Variants in CNOT6L observed in about 807,000 individuals in gnomAD.
CNOT6L encodes the protein CCR4-NOT transcription complex subunit 6 like, also known as CCR4-NOT transcription complex subunit 6-like.
In CNOT6L, 7 loss-of-function variants were observed where a neutral mutation model predicts 64.0. The observed-to-expected ratio is 0.11, with a 90% CI of 0.06 to 0.21. CNOT6L has a LOEUF of 0.21. CNOT6L is among the 10% of genes least tolerant of loss of function. CNOT6L has a pLI of 1.00. For synonymous variants in CNOT6L, 193 were observed against 243.4 expected (o/e 0.79, Z 1.93); for missense variants, 245 against 669.0 (o/e 0.37, Z 6.99).
chr4:77,788,757 T>C (rs1729752829), intron 1 of CNOT6L, among the ~76,000 whole-genome samples: 1 of 151,004 alleles, frequency 6.6e-6, no homozygotes, highest in African/African-American at 2.4e-5. Context: ...ATAATAATAA[T>C]ATGCAATTGA....
intron 1 of CNOT6L, among the ~76,000 whole-genome samples, chr4:77,810,782 T>C (rs909135875): frequency 6.6e-6 from 1 of 152,172 alleles, no homozygotes; most frequent in Non-Finnish European, 1.5e-5. Context: ...ACAATCTCTC[T>C]CCCTAGCCCT....
intron 1 of CNOT6L, among the ~76,000 whole-genome samples, chr4:77,794,195 A>AAAGAGAGATT (rs1180398252): frequency 6.8e-6 from 1 of 146,058 alleles, no homozygotes; most frequent in Non-Finnish European, 1.5e-5. Flanking sequence ...AAATAGAAGG[A>AAAGAGAGATT]AAGAGAGATT....
intron 6 of CNOT6L, 149 bp downstream of exon 6, chr4:77,748,167 T>C (rs535861023): frequency 7.6e-6 from 5 of 659,382 alleles, no homozygotes; most frequent in South Asian, 6.9e-5. Context: ...TATCTTAATG[T>C]GGACTTTTTA....
In CNOT6L at chr4:77,715,425, T is replaced by TA. The variant is rs1432049385; in HGVS notation, c.*5005dup. On this transcript the variant is annotated 3_prime_UTR_variant, in exon 12 of 12. Coordinates refer to ENST00000504123, the MANE Select transcript of CNOT6L (RefSeq NM_144571.3). ...CTTTGAAAGTGAAAACTATTTTACTTAAAAAATATTCTATTACTTCAATGT... is the reference window on the plus strand; with the variant it reads ...CTTTGAAAGTGAAAACTATTTTACTTAAAAAAATATTCTATTACTTCAATGT... The TA allele has an allele frequency of 4.6e-5, 7 of 152,250 alleles. No individual in the cohort carries two copies. Among genetic ancestry groups the TA allele is most frequent in the Admixed American group, 3.9e-4 (6 of 15,254 alleles). 9.4% of individuals were successfully genotyped at this position (152,250 alleles called of 1,614,324 possible).
At chr4:77,803,898 G>A (rs542156394) in intron 1 of CNOT6L, among the ~76,000 whole-genome samples, 6 of 150,950 alleles carry the variant, frequency 4.0e-5, no homozygotes, top group East Asian at 2.0e-4. Flanking sequence ...GCGAAATTCC[G>A]TCTCAAAAAA....
intron 6 of CNOT6L, among the ~76,000 whole-genome samples, chr4:77,747,611 G>A (rs1394435002): frequency 6.6e-6 from 1 of 151,990 alleles, no homozygotes; most frequent in Non-Finnish European, 1.5e-5. Flanking sequence ...TCGAAAAACG[G>A]TAATTCATAA....
chr4:77,741,502 C>G (rs753750819), intron 8 of CNOT6L, among the ~76,000 whole-genome samples: 17 of 152,150 alleles, frequency 1.1e-4, no homozygotes, highest in Non-Finnish European at 2.4e-4. Flanking sequence ...CTCAGTCAAC[C>G]CTTTTAACTC....
intron 1 of CNOT6L, among the ~76,000 whole-genome samples, chr4:77,784,693 C>A (rs1254537016): frequency 6.6e-6 from 1 of 152,086 alleles, no homozygotes; most frequent in Admixed American, 6.6e-5. Flanking sequence ...CCATGTTGCC[C>A]AGGCTGGTCT....
intron 1 of CNOT6L, among the ~76,000 whole-genome samples, chr4:77,790,815 ATTT>A (rs35909833): frequency 3.9e-5 from 5 of 128,686 alleles, no homozygotes; most frequent in Non-Finnish European, 4.9e-5. Flanking sequence ...CGCCTGGCTG[ATTT>A]TTTTTTTTTT....
At position 77,800,212 on chromosome 4, in the gene CNOT6L, T is replaced by G. The variant is rs148718220; in HGVS notation, c.5+19092A>C. ...CAGGAAAATATTTTAAATTAAGTCT[T>G]ACACAAAGGCCAGGTATTATGGCTC... On this transcript the variant is annotated intron_variant, in intron 1 of 11. Coordinates refer to ENST00000504123, the MANE Select transcript of CNOT6L (RefSeq NM_144571.3). Among the ~76,000 whole-genome samples the G allele has an allele frequency of 9.9e-4, 150 of 152,256 alleles. 1 individual carries two copies. The highest frequency in any genetic ancestry group is 3.1e-3 in the African/African-American group (129 of 41,556).
intron 1 of CNOT6L, among the ~76,000 whole-genome samples, chr4:77,802,596 CTGATAGAAGATGGAG>C (rs1286403226): frequency 6.6e-6 from 1 of 152,130 alleles, no homozygotes; most frequent in African/African-American, 2.4e-5. Flanking sequence ...TTTAACTAGA[CTGATAGAAGATGGAG>C]TTTATGGGTG....
At chr4:77,807,423 C>T (rs1732376981) in intron 1 of CNOT6L, among the ~76,000 whole-genome samples, 2 of 151,008 alleles carry the variant, frequency 1.3e-5, no homozygotes, top group Non-Finnish European at 2.9e-5. Context: ...GAGACATAAA[C>T]CCAAGTTAAA....
chr4:77,806,759 T>C (rs1732272015), intron 1 of CNOT6L, among the ~76,000 whole-genome samples: 2 of 152,134 alleles, frequency 1.3e-5, no homozygotes, highest in South Asian at 4.1e-4. Context: ...TTCTCCAATT[T>C]GCCTTATTAA....
At chr4:77,781,550 A>C (rs1728857433) in intron 1 of CNOT6L, among the ~76,000 whole-genome samples, 1 of 152,212 alleles carries the variant, frequency 6.6e-6, no homozygotes. Context: ...TACATATGAA[A>C]TACATACAAA....
chr4:77,773,184 A>C lies in CNOT6L; in HGVS notation c.315-18T>G. The C allele has an allele frequency of 3.3e-6, 5 of 1,496,720 alleles. No homozygotes were observed. In the South Asian group the frequency reaches 6.4e-5, roughly 19 times the overall value. 92.7% of individuals were successfully genotyped at this position (1,496,720 alleles called of 1,614,324 possible). ...GCAATTCCCTGTTTTAAAAAAAAAA[A>C]AAAAATTAGTTTAATATACTAAGTT... On this transcript the variant is annotated intron_variant, in intron 3 of 11. Transcript: ENST00000504123.
At chr4:77,723,466 C>A (rs1721508381) in intron 11 of CNOT6L, among the ~76,000 whole-genome samples, 1 of 152,070 alleles carries the variant, frequency 6.6e-6, no homozygotes, top group African/African-American at 2.4e-5. Flanking sequence ...TGTTACCTAC[C>A]CTTTTTTACT....
chr4:77,772,336 G>A (rs1211646855), intron 4 of CNOT6L, among the ~76,000 whole-genome samples: 1 of 151,942 alleles, frequency 6.6e-6, no homozygotes, highest in Non-Finnish European at 1.5e-5. Flanking sequence ...GGGTTCAAGC[G>A]ATTTTCCAGA....
chr4:77,797,201 C>T (rs1460427598), intron 1 of CNOT6L, among the ~76,000 whole-genome samples: 1 of 139,758 alleles, frequency 7.2e-6, no homozygotes, highest in East Asian at 2.3e-4. Flanking sequence ...ATATTTTAAA[C>T]AAACGAACCT....
At chr4:77,743,787 A>C (rs1166187482) in intron 7 of CNOT6L, among the ~76,000 whole-genome samples, 1 of 151,506 alleles carries the variant, frequency 6.6e-6, no homozygotes, top group Non-Finnish European at 1.5e-5. Context: ...TTTTTAGTAG[A>C]TATGGGGTTT....
Sources: allele counts gnomAD v4.1 joint callset (sites outside exome capture counted in the v4.1 genomes callset), GRCh38; gene constraint gnomAD v4.1.1; transcripts MANE v1.5; gene names NCBI Gene and HGNC (gene_info 2026-07-23, HGNC 2026-07-21).